Variants in SIK3 observed in about 807,000 individuals in gnomAD.
SIK3 encodes the protein serine/threonine-protein kinase SIK3.
A neutral mutation model predicts 144.2 loss-of-function variants in SIK3; 28 were observed. That is an observed-to-expected ratio of 0.19 (90% CI 0.14 to 0.27). The LOEUF is 0.27. Among genes scored for constraint, SIK3 ranks in the 10% least tolerant of loss-of-function variants. SIK3 has a pLI of 1.00. For synonymous variants in SIK3, 686 were observed against 676.3 expected (o/e 1.01, Z -0.22); for missense variants, 1,319 against 1,776.0 (o/e 0.74, Z 4.62).
At chr11:116,947,520 T>C (rs914502605) in intron 3 of SIK3, among the ~76,000 whole-genome samples, 1 of 93,442 alleles carries the variant, frequency 1.1e-5, no homozygotes, top group Non-Finnish European at 2.0e-5. Context: ...GCTAGGGAAA[T>C]ATATATATAT....
At chr11:116,879,324 C>T (rs1944433540) in intron 6 of SIK3, among the ~76,000 whole-genome samples, 1 of 152,184 alleles carries the variant, frequency 6.6e-6, no homozygotes, top group African/African-American at 2.4e-5. Flanking sequence ...ATACCAAGCA[C>T]TGTGCTTACC....
At chr11:116,926,434 G>C (rs1947277710) in intron 4 of SIK3, among the ~76,000 whole-genome samples, 3 of 152,164 alleles carry the variant, frequency 2.0e-5, no homozygotes, top group Admixed American at 2.0e-4. Context: ...AAGCAGACTA[G>C]TAAAATTTGA....
At chr11:116,860,436 C>T (rs992909133) in intron 19 of SIK3, among the ~76,000 whole-genome samples, 6 of 152,090 alleles carry the variant, frequency 3.9e-5, no homozygotes, top group African/African-American at 1.4e-4. Flanking sequence ...GATCCTAAGA[C>T]GGCTGACCTC....
At chr11:117,031,687 ATTT>A (rs57524562) in intron 1 of SIK3, among the ~76,000 whole-genome samples, 98 of 81,516 alleles carry the variant, frequency 1.2e-3, no homozygotes, top group African/African-American at 5.6e-3. Context: ...CACCCGGCTA[ATTT>A]TTTTTTTTTT....
intron 21 of SIK3, among the ~76,000 whole-genome samples, chr11:116,851,622 T>C (rs186748578): frequency 4.5e-4 from 69 of 152,314 alleles, no homozygotes; most frequent in Middle Eastern, 6.8e-3. Context: ...TTTTGAAAGT[T>C]CTCTGAGCAA....
At chr11:117,040,495 CA>C (rs1952690824) in intron 1 of SIK3, among the ~76,000 whole-genome samples, 1 of 152,086 alleles carries the variant, frequency 6.6e-6, no homozygotes, top group Admixed American at 6.6e-5. Context: ...TAAATAACCA[CA>C]AATAAATCTG....
intron 1 of SIK3, among the ~76,000 whole-genome samples, chr11:117,088,330 T>C (rs1376673104): frequency 6.6e-6 from 1 of 152,156 alleles, no homozygotes; most frequent in Admixed American, 6.5e-5. Flanking sequence ...ATAGTAAAAG[T>C]TTGAGATATG....
At chr11:117,031,465 A>ATTTTT (rs1327937688) in intron 1 of SIK3, among the ~76,000 whole-genome samples, 1 of 150,960 alleles carries the variant, frequency 6.6e-6, no homozygotes, top group Non-Finnish European at 1.5e-5. Flanking sequence ...CTTTATCAAA[A>ATTTTT]ATCAGTTGGG....
chr11:117,037,453 C>A (rs1174907302), intron 1 of SIK3, among the ~76,000 whole-genome samples: 1 of 152,156 alleles, frequency 6.6e-6, no homozygotes, highest in Non-Finnish European at 1.5e-5. Context: ...CCACATGACT[C>A]AGAGACAATT....
intron 1 of SIK3, among the ~76,000 whole-genome samples, chr11:117,044,291 A>C (rs1952863547): frequency 6.6e-6 from 1 of 152,218 alleles, no homozygotes; most frequent in Non-Finnish European, 1.5e-5. Context: ...CTTCTAAAAA[A>C]GTTTAGTACT....
chr11:116,873,756 G>C (rs192444645), intron 12 of SIK3, 120 bp from the exon 13 acceptor site: 1 of 1,457,084 alleles, frequency 6.9e-7, no homozygotes, highest in Non-Finnish European at 9.2e-7. Flanking sequence ...ACTAGAGGAC[G>C]CTTCCCGCTC....
chr11:116,960,467 G>A (rs189922763), intron 1 of SIK3, among the ~76,000 whole-genome samples: 9 of 152,238 alleles, frequency 5.9e-5, no homozygotes, highest in Admixed American at 3.3e-4. Context: ...GGTGAAGTGA[G>A]CCGTGATCAC....
intron 1 of SIK3, among the ~76,000 whole-genome samples, chr11:116,978,463 T>C (rs1771046576): frequency 6.6e-6 from 1 of 152,196 alleles, no homozygotes; most frequent in South Asian, 2.1e-4. Context: ...AACAACATAT[T>C]GTTTAGATTT....
intron 21 of SIK3, among the ~76,000 whole-genome samples, chr11:116,851,781 G>T (rs1054532753): frequency 2.6e-5 from 4 of 152,222 alleles, no homozygotes; most frequent in African/African-American, 9.6e-5. Flanking sequence ...CTCTCAGTGG[G>T]CACTGCTCGC....
intron 3 of SIK3, among the ~76,000 whole-genome samples, chr11:116,944,531 G>T (rs1407115904): frequency 6.6e-6 from 1 of 152,164 alleles, no homozygotes; most frequent in African/African-American, 2.4e-5. Flanking sequence ...GCTGGGCTGA[G>T]CTTCCCTGAT....
chr11:116,931,840 TA>T (rs1245914008), intron 3 of SIK3, among the ~76,000 whole-genome samples: 16 of 152,332 alleles, frequency 1.1e-4, no homozygotes, highest in Admixed American at 9.1e-4. Context: ...AGCAGGTTAA[TA>T]AGAGTGCAGT....
intron 3 of SIK3, among the ~76,000 whole-genome samples, chr11:116,930,264 A>G (rs1041399668): frequency 6.0e-5 from 9 of 151,058 alleles, no homozygotes; most frequent in African/African-American, 1.7e-4. Context: ...CCCAACCCCT[A>G]CTCCCATTGG....
At chr11:116,856,022 C>G (rs1942884615) in intron 21 of SIK3, among the ~76,000 whole-genome samples, 1 of 151,948 alleles carries the variant, frequency 6.6e-6, no homozygotes, top group Admixed American at 6.6e-5. Context: ...ACGGTGAAAC[C>G]CTGTCTCTAC....
chr11:117,050,872 A>G, intron 1 of SIK3, among the ~76,000 whole-genome samples: 1 of 152,252 alleles, frequency 6.6e-6, no homozygotes, highest in South Asian at 2.1e-4. Context: ...ATTCTAGGAT[A>G]TAGTGGAAGA....
Sources: allele counts gnomAD v4.1 joint callset (sites outside exome capture counted in the v4.1 genomes callset), GRCh38; gene constraint gnomAD v4.1.1; transcripts MANE v1.5; gene names NCBI Gene and HGNC (gene_info 2026-07-23, HGNC 2026-07-21).